The following DPP10 variants were observed in gnomAD, a reference collection of about 807,000 sequenced individuals.
DPP10 encodes the protein dipeptidyl peptidase like 10, also known as inactive dipeptidyl peptidase 10.
In DPP10, 33 loss-of-function variants were observed where a neutral mutation model predicts 120.9. The ratio of observed to expected loss-of-function variants is 0.27; its 90% CI spans 0.21 to 0.37. DPP10 has a LOEUF of 0.37. Ranked by LOEUF, DPP10 falls within the 10% of genes least tolerant of loss-of-function variation. The pLI is 1.00. For synonymous variants in DPP10, 337 were observed against 326.1 expected, an observed-to-expected ratio of 1.03 and a Z score of -0.36; for missense variants, 816 against 942.8, an observed-to-expected ratio of 0.87 and a Z score of 1.76.
chr2:114,998,188 G>C (rs1231010808), intron 1 of DPP10, among the ~76,000 whole-genome samples: 1 of 152,066 alleles, frequency 6.6e-6, no homozygotes, highest in Non-Finnish European at 1.5e-5. Flanking sequence ...ATACTTATTA[G>C]TCATATAACT....
intron 2 of DPP10, among the ~76,000 whole-genome samples, chr2:115,335,560 A>G (rs917940139): frequency 6.6e-6 from 1 of 152,022 alleles, no homozygotes; most frequent in Non-Finnish European, 1.5e-5. Flanking sequence ...TAAGAATAGA[A>G]TTTATATTTC....
At chr2:115,258,466 G>A (rs1372074123) in intron 1 of DPP10, among the ~76,000 whole-genome samples, 1 of 144,758 alleles carries the variant, frequency 6.9e-6, no homozygotes, top group African/African-American at 2.6e-5. Context: ...ACACACTGTA[G>A]TATCCAAGTT....
intron 3 of DPP10, among the ~76,000 whole-genome samples, chr2:115,367,558 A>G (rs1317739061): frequency 1.2e-4 from 19 of 152,074 alleles, no homozygotes. Context: ...AACTTTTTCT[A>G]CTTTCTTTAT....
intron 1 of DPP10, among the ~76,000 whole-genome samples, chr2:114,604,955 C>T (rs1228799231): frequency 6.6e-6 from 1 of 152,000 alleles, no homozygotes; most frequent in African/African-American, 2.4e-5. Context: ...AAGACTCAGA[C>T]CAGAATACAG....
At chr2:115,451,378 C>G (rs1384905615) in intron 3 of DPP10, among the ~76,000 whole-genome samples, 6 of 151,840 alleles carry the variant, frequency 4.0e-5, no homozygotes, top group Admixed American at 3.9e-4. Context: ...TCCAAAATTT[C>G]AGTGAATGTT....
chr2:115,143,962 G>A (rs780669171), intron 1 of DPP10: 3 of 152,120 alleles, frequency 2.0e-5, no homozygotes, highest in Non-Finnish European at 4.4e-5. Context: ...TTCACACTGT[G>A]TTAAGCAAAG....
intron 5 of DPP10, among the ~76,000 whole-genome samples, chr2:115,542,026 A>G (rs1465096081): frequency 1.3e-5 from 2 of 152,010 alleles, no homozygotes; most frequent in Admixed American, 1.3e-4. Flanking sequence ...CAAATAGTGC[A>G]TTATCAAAAC....
intron 1 of DPP10, among the ~76,000 whole-genome samples, chr2:114,612,841 A>C (rs1437180940): frequency 6.6e-6 from 1 of 152,182 alleles, no homozygotes; most frequent in Non-Finnish European, 1.5e-5. Flanking sequence ...ATGTATATAG[A>C]GTTATTTCTA....
At chr2:115,352,385 A>C (rs1168219093) in intron 3 of DPP10, among the ~76,000 whole-genome samples, 2 of 152,302 alleles carry the variant, frequency 1.3e-5, no homozygotes, top group East Asian at 3.9e-4. Context: ...ATCTGTTTAC[A>C]TTTGAAAAGT....
At chr2:115,587,089 CTTTTTTTTTTTT>C (rs756810925) in intron 5 of DPP10, among the ~76,000 whole-genome samples, 1 of 103,914 alleles carries the variant, frequency 9.6e-6, no homozygotes, top group Non-Finnish European at 1.9e-5. Context: ...TTTTCTCTTT[CTTTTTTTTTTTT>C]TTTTTTTTTC....
intron 7 of DPP10, among the ~76,000 whole-genome samples, chr2:115,713,645 G>A (rs1001666493): frequency 6.6e-6 from 1 of 152,220 alleles, no homozygotes; most frequent in African/African-American, 2.4e-5. Context: ...CTTGAAGCAT[G>A]TGATGAAGGA....
chr2:114,598,732 G>A (rs1692126796), intron 1 of DPP10, among the ~76,000 whole-genome samples: 1 of 151,922 alleles, frequency 6.6e-6, no homozygotes, highest in Non-Finnish European at 1.5e-5. Context: ...ATCATTGATG[G>A]TCTTAGCTGG....
At chr2:114,779,533 A>T (rs988794894) in intron 1 of DPP10, among the ~76,000 whole-genome samples, 4 of 152,118 alleles carry the variant, frequency 2.6e-5, no homozygotes, top group African/African-American at 9.6e-5. Flanking sequence ...CTTCTTACAT[A>T]CAAGCTGCTA....
intron 1 of DPP10, among the ~76,000 whole-genome samples, chr2:114,785,738 A>G (rs1254251098): frequency 6.6e-6 from 1 of 152,096 alleles, no homozygotes; most frequent in Non-Finnish European, 1.5e-5. Flanking sequence ...TCTAAGGGGG[A>G]GCTGAAGACT....
chr2:115,757,376 T>C (rs1170041064), intron 11 of DPP10, among the ~76,000 whole-genome samples: 1 of 151,980 alleles, frequency 6.6e-6, no homozygotes, highest in Non-Finnish European at 1.5e-5. Flanking sequence ...CAGTTCTGCA[T>C]GTCTGGGGAG....
At chr2:115,273,381 G>C (rs1247897758) in intron 1 of DPP10, among the ~76,000 whole-genome samples, 2 of 151,952 alleles carry the variant, frequency 1.3e-5, no homozygotes, top group African/African-American at 2.4e-5. Context: ...TCCCTCTGTG[G>C]CCCAGGCTGG....
intron 5 of DPP10, among the ~76,000 whole-genome samples, chr2:115,633,280 AG>A: frequency 6.6e-6 from 1 of 152,314 alleles, no homozygotes; most frequent in South Asian, 2.1e-4. Flanking sequence ...TGTCCTTTGT[AG>A]GGACATGGAT....
intron 1 of DPP10, among the ~76,000 whole-genome samples, chr2:115,022,242 A>G (rs1293678941): frequency 6.6e-6 from 1 of 152,128 alleles, no homozygotes; most frequent in Admixed American, 6.6e-5. Flanking sequence ...TGCTGATGAT[A>G]TGATTGTATA....
intron 1 of DPP10, among the ~76,000 whole-genome samples, chr2:114,597,024 T>A (rs918550402): frequency 1.3e-5 from 2 of 152,064 alleles, no homozygotes; most frequent in African/African-American, 2.4e-5. Flanking sequence ...AACAGATGAA[T>A]GTCCTACAGG....
Sources: allele counts gnomAD v4.1 joint callset (sites outside exome capture counted in the v4.1 genomes callset), GRCh38; gene constraint gnomAD v4.1.1; transcripts MANE v1.5; gene names NCBI Gene and HGNC (gene_info 2026-07-23, HGNC 2026-07-21).